SMG9: variants seen among roughly 807,000 people sequenced by gnomAD.
The protein encoded by SMG9 is SMG9 nonsense mediated mRNA decay factor, also known as nonsense-mediated mRNA decay factor SMG9.
A neutral mutation model predicts 64.0 loss-of-function variants in SMG9; 55 were observed. The observed-to-expected ratio is 0.86, with a 90% CI of 0.69 to 1.08. The LOEUF is 1.08. Ranked by LOEUF, SMG9 falls within the 50% of genes least tolerant of loss-of-function variation. SMG9 has a pLI of 0.00. For missense variants in SMG9, 554 were observed against 681.3 expected (o/e 0.81, Z 2.08); for synonymous variants, 244 against 254.8 (o/e 0.96, Z 0.41).
chr19:43,737,315 G>C (rs2146369990), intron 9 of SMG9, among the ~76,000 whole-genome samples: 2 of 152,218 alleles, frequency 1.3e-5, no homozygotes, highest in South Asian at 4.2e-4. Context: ...GGGAGCGAGG[G>C]GAGGCAGTGA....
chr19:43,754,203 C>T (rs1167440145), intron 1 of SMG9, among the ~76,000 whole-genome samples: 1 of 152,168 alleles, frequency 6.6e-6, no homozygotes, highest in Non-Finnish European at 1.5e-5. Flanking sequence ...AGTATGTAAG[C>T]CCACTTCGTG....
intron 5 of SMG9, 59 bp downstream of exon 5, chr19:43,747,383 T>C: frequency 6.5e-7 from 1 of 1,545,258 alleles, no homozygotes. Context: ...TACAGAGAGG[T>C]GGAAGATCAG....
intron 9 of SMG9, among the ~76,000 whole-genome samples, chr19:43,735,761 G>T (rs910038567): frequency 2.0e-5 from 3 of 151,958 alleles, no homozygotes; most frequent in Non-Finnish European, 2.9e-5. Context: ...TAAAATACAG[G>T]GACATTCTCC....
rs898723950 is a variant in SMG9 at position 43,754,894 on chromosome 19, A to T, written c.-247T>A. Reference sequence around the variant, plus strand: ...AGGAGGAGGATGTAACGCGGGCCCGAGCTGAGATCAGTTCCCTCAGGCGAC... The same window carrying T: ...AGGAGGAGGATGTAACGCGGGCCCGTGCTGAGATCAGTTCCCTCAGGCGAC... On this transcript the variant is annotated 5_prime_UTR_variant, in exon 1 of 14. Transcript: ENST00000270066. The T allele has an allele frequency of 4.6e-5, 7 of 152,262 alleles. No homozygotes were observed. Among genetic ancestry groups the T allele is most frequent in the African/African-American group, 1.7e-4 (7 of 41,450 alleles). 9.4% of individuals were successfully genotyped at this position (152,262 alleles called of 1,614,324 possible). A position where few individuals can be genotyped will look rare whatever the true frequency, so the allele number is the denominator to read the frequency against.
At chr19:43,741,456 C>T (rs1968843990) in intron 6 of SMG9, among the ~76,000 whole-genome samples, 2 of 152,160 alleles carry the variant, frequency 1.3e-5, no homozygotes, top group South Asian at 4.1e-4. Flanking sequence ...CATGGTAAGG[C>T]TTTGGCCTAT....
In SMG9 at chr19:43,744,018, C is replaced by G. The variant is rs546402173; in HGVS notation, c.701+754G>C. On this transcript the variant is annotated intron_variant, in intron 6 of 13. Coordinates refer to ENST00000270066, the MANE Select transcript of SMG9 (RefSeq NM_019108.4). ...CCCTTAATGAGATGTGTATCTCCCC[C>G]ATTCCCAAATTCCTACATTTTTCCC... is the stretch of plus-strand genomic sequence containing the variant. Among the ~76,000 whole-genome samples the G allele has an allele frequency of 3.3e-5, 5 of 152,314 alleles. No individual in the cohort carries two copies. The South Asian group carries it at 1.0e-3, about 32-fold the overall frequency.
At chr19:43,738,238 G>C in intron 7 of SMG9, 21 bp from the exon 8 acceptor site, 2 of 1,608,038 alleles carry the variant, frequency 1.2e-6, no homozygotes, top group Non-Finnish European at 1.7e-6. Flanking sequence ...GAAGAGAACA[G>C]AGTGTCACTC....
chr19:43,735,564 G>A (rs1288396478), intron 9 of SMG9, among the ~76,000 whole-genome samples: 4 of 137,166 alleles, frequency 2.9e-5, no homozygotes, highest in Non-Finnish European at 6.1e-5. Flanking sequence ...GCAGTGAGCC[G>A]AGATTGTGCC....
intron 9 of SMG9, among the ~76,000 whole-genome samples, chr19:43,736,029 G>A (rs551745161): frequency 7.2e-5 from 11 of 152,204 alleles, no homozygotes; most frequent in Non-Finnish European, 1.0e-4. Flanking sequence ...AGGAATAGGT[G>A]TTTCAGAATG....
Position 43,737,697 on chromosome 19 carries a change from G to A in SMG9, c.910-15C>T, listed in dbSNP as rs747204093. On this transcript the variant is annotated splice_polypyrimidine_tract_variant and intron_variant, in intron 8 of 13. Transcript: ENST00000270066. ...ATCTGGAGTGACTGAGGGTGGGCAG[G>A]ATGGAAGGGAGGTGAGGACCTCTTC... 1.2e-6 allele frequency: 2 copies of A among 1,613,226 alleles called. No individual in the cohort carries two copies. Among genetic ancestry groups the A allele is most frequent in the Non-Finnish European group, 8.5e-7 (1 of 1,179,472 alleles).
chr19:43,740,820 G>A (rs977118647), intron 6 of SMG9, among the ~76,000 whole-genome samples: 2 of 152,092 alleles, frequency 1.3e-5, no homozygotes, highest in South Asian at 2.1e-4. Flanking sequence ...TCACTTCTAC[G>A]TGTGCTGGGT....
At chr19:43,740,393 GCA>G (rs1472370193) in intron 6 of SMG9, among the ~76,000 whole-genome samples, 175 bp from the exon 7 acceptor site, 1 of 152,068 alleles carries the variant, frequency 6.6e-6, no homozygotes, top group Non-Finnish European at 1.5e-5. Context: ...ATGTTTTGAA[GCA>G]CACAATTTCA....
chr19:43,732,393 G>T (rs1401839361), intron 13 of SMG9: 1 of 165,922 alleles, frequency 6.0e-6, no homozygotes, highest in Non-Finnish European at 1.3e-5. Flanking sequence ...CCAGAGGCAG[G>T]AAACAAGACA....
chr19:43,753,847 G>A (rs978974657), intron 1 of SMG9, among the ~76,000 whole-genome samples: 3 of 151,530 alleles, frequency 2.0e-5, no homozygotes, highest in African/African-American at 7.3e-5. Context: ...AACCAGGTGT[G>A]GAGGATACAG....
At position 43,731,032 on chromosome 19, in the gene SMG9, C is replaced by T. The variant is rs546934745; in HGVS notation, c.*564G>A. 3 of 794,486 alleles carry T rather than the reference C, an allele frequency of 3.8e-6. No homozygotes were observed. The South Asian group carries it at 1.7e-4, about 46-fold the overall frequency. 49.2% of individuals were successfully genotyped at this position (794,486 alleles called of 1,614,324 possible). A position where few individuals can be genotyped will look rare whatever the true frequency, so the allele number is the denominator to read the frequency against. On this transcript the variant is annotated 3_prime_UTR_variant, in exon 14 of 14. Transcript: ENST00000270066. Reference sequence around the variant, plus strand: ...TGCCACCCCAGGAAACAGAATAACCCCTTCTAGGGACTTCTTAGCAGAGAC... The same window carrying T: ...TGCCACCCCAGGAAACAGAATAACCTCTTCTAGGGACTTCTTAGCAGAGAC...
At chr19:43,748,251 G>A (rs1969090034) in intron 2 of SMG9, among the ~76,000 whole-genome samples, 199 bp from the exon 3 acceptor site, 1 of 152,190 alleles carries the variant, frequency 6.6e-6, no homozygotes, top group African/African-American at 2.4e-5. Context: ...ATTGCCCAAA[G>A]TCACAAAGCC....
In SMG9 at chr19:43,737,723, T is replaced by C. The variant is rs368623395; in HGVS notation, c.910-41A>G. On this transcript the variant is annotated intron_variant, in intron 8 of 13. Transcript: ENST00000270066. ...ATGGAAGGGAGGTGAGGACCTCTTC[T>C]GCCCAGACTAATCAGGAGTCCCTGA... 2,319 of 1,596,294 alleles carry C rather than the reference T, an allele frequency of 1.5e-3. 40 individuals carry two copies. The South Asian group carries it at 0.023, about 16-fold the overall frequency.
Position 43,744,777 on chromosome 19 carries a change from G to C in SMG9, c.696C>G (p.Asp232Glu). 1.2e-6 allele frequency: 2 copies of C among 1,612,476 alleles called. No individual in the cohort carries two copies. Among genetic ancestry groups the C allele is most frequent in the Non-Finnish European group, 1.7e-6 (2 of 1,179,118 alleles). The change falls in exon 6 of 14, where the codon GAC (aspartate) becomes GAG (glutamate). Residue 232 changes from aspartate (D) to glutamate (E), a missense_variant. Transcript: ENST00000270066. ...CCTATCTGATAGCCCCTCACCTCTG[G>C]TCCTCCTCTGGAGTGTTGGCTGACA... ...SLLSANTPEE[D>E]QRTYVFRAQS...
intron 1 of SMG9, among the ~76,000 whole-genome samples, chr19:43,752,962 T>C (rs1224609786): frequency 1.4e-5 from 2 of 146,590 alleles, no homozygotes; most frequent in African/African-American, 2.5e-5. Context: ...CTTGCTTAGC[T>C]TGGAAGTATC....
Sources: gnomAD v4.1 joint callset for allele counts (sites outside exome capture counted in the v4.1 genomes callset) on GRCh38, gnomAD v4.1.1 for gene constraint, MANE v1.5 for transcripts, NCBI Gene and HGNC (gene_info 2026-07-23, HGNC 2026-07-21) for gene names.